The following MTMR10 variants were observed in gnomAD, a reference collection of about 807,000 sequenced individuals.
MTMR10 encodes myotubularin related protein 10.
In MTMR10, 56 loss-of-function variants were observed where a neutral mutation model predicts 88.1. The ratio of observed to expected loss-of-function variants is 0.64; its 90% CI spans 0.51 to 0.79. The LOEUF is 0.79. Among genes scored for constraint, MTMR10 ranks in the 30% least tolerant of loss-of-function variants. The pLI is 0.00. For missense variants in MTMR10, 883 were observed against 924.7 expected (o/e 0.95, Z 0.58); for synonymous variants, 380 against 340.9 (o/e 1.11, Z -1.26).
At chr15:30,953,755 C>A (rs1372245288) in intron 10 of MTMR10, 124 bp from the exon 11 acceptor site, 8 of 629,390 alleles carry the variant, frequency 1.3e-5, no homozygotes, top group Non-Finnish European at 1.9e-5. Context: ...TGCATTTTCA[C>A]TTTAATAACA....
downstream of MTMR10, among the ~76,000 whole-genome samples, chr15:30,936,700 T>G (rs929718388): frequency 6.6e-6 from 1 of 152,210 alleles, no homozygotes; most frequent in African/African-American, 2.4e-5. Flanking sequence ...CCACCAAACC[T>G]CATAGCTTAG....
chr15:30,941,802 C>T lies in MTMR10; in HGVS notation c.2002G>A (p.Ala668Thr). The change falls in exon 16 of 16, where the codon GCC becomes ACC. Residue 668 changes from alanine (A) to threonine (T), a missense_variant. Ala to Thr is a moderately conservative substitution (Grantham distance 58). Coordinates refer to ENST00000435680, the MANE Select transcript of MTMR10 (RefSeq NM_017762.3). ...ATGGAGCCACCCAGGCTGATCTGGG[C>T]CTCGGGAACCCAGCGGAAGTAGCAC... ...KLCYFRWVPE[A>T]QISLGGSITA... 6.2e-7 allele frequency: 1 copy of T among 1,614,038 alleles called. No individual in the cohort carries two copies. Among genetic ancestry groups the T allele is most frequent in the Non-Finnish European group, 8.5e-7 (1 of 1,179,908 alleles).
Position 30,939,949 on chromosome 15 carries a change from C to T in MTMR10, c.*1521G>A, listed in dbSNP as rs564921866. 7.1e-6 allele frequency: 7 copies of T among 984,452 alleles called. No homozygotes were observed. The highest frequency in any genetic ancestry group is 1.2e-4 in the Admixed American group (2 of 16,266). 61.0% of individuals were successfully genotyped at this position (984,452 alleles called of 1,614,324 possible). ...TTTCTTAAGATATTTTTTAAGAACT[C>T]CTGTCCTGTTATATCCAGAGACATT... On this transcript the variant is annotated 3_prime_UTR_variant, in exon 16 of 16. Transcript: ENST00000435680.
chr15:30,930,521 C>G, the MTMR10 span: 6 of 1,570,172 alleles, frequency 3.8e-6, no homozygotes, highest in Non-Finnish European at 5.2e-6. Flanking sequence ...AAGTGGCTAA[C>G]TGTCCTGTGT....
At position 30,961,018 on chromosome 15, in the gene MTMR10, A is replaced by ACCTCCTCCT; in HGVS notation, c.612_620dup (p.Gly205_Gly207dup). 2.6e-6 allele frequency: 4 copies of ACCTCCTCCT among 1,563,998 alleles called. No individual in the cohort carries two copies. Among genetic ancestry groups the ACCTCCTCCT allele is most frequent in the Middle Eastern group, 3.3e-4 (2 of 6,000 alleles). On this transcript the variant is annotated inframe_insertion, in exon 7 of 16. Transcript: ENST00000435680. ...GGCTGCTGCCACCACCAGCTCCATT[A>ACCTCCTCCT]CCTCCTCCTCCTCCTCCTCCTCCAT...
At chr15:30,942,819 G>C (rs748714277) in intron 15 of MTMR10, 71 bp downstream of exon 15, 5 of 1,411,344 alleles carry the variant, frequency 3.5e-6, no homozygotes. Flanking sequence ...TACTTTTAAC[G>C]CTCTCTGTTC....
In MTMR10 at chr15:30,938,997, T is replaced by A; in HGVS notation, c.*2473A>T. The A allele has an allele frequency of 5.1e-6, 5 of 985,320 alleles. No individual in the cohort carries two copies. Among genetic ancestry groups the A allele is most frequent in the Non-Finnish European group, 6.0e-6 (5 of 829,812 alleles). The allele number at this position is 985,320 out of a possible 1,614,324, so 61.0% of individuals were successfully genotyped here. A position where few individuals can be genotyped will look rare whatever the true frequency, so the allele number is the denominator to read the frequency against. On this transcript the variant is annotated 3_prime_UTR_variant, in exon 16 of 16. Coordinates refer to ENST00000435680, the MANE Select transcript of MTMR10 (RefSeq NM_017762.3). ...AAAATTTCCTTCACATTCAATACTG[T>A]TGAACAACAAGATAACACATCTTCT...
chr15:30,971,585 T>G (rs1488565054), intron 5 of MTMR10, among the ~76,000 whole-genome samples: 1 of 152,202 alleles, frequency 6.6e-6, no homozygotes, highest in African/African-American at 2.4e-5. Flanking sequence ...CCTGAAGAAG[T>G]GATTCACAAC....
intron 5 of MTMR10, among the ~76,000 whole-genome samples, chr15:30,972,871 T>C (rs1459711409): frequency 6.6e-6 from 1 of 152,056 alleles, no homozygotes; most frequent in African/African-American, 2.4e-5. Context: ...AAAAATACAG[T>C]AAAAGAGGGA....
intron 6 of MTMR10, 82 bp from the exon 7 acceptor site, chr15:30,961,155 CAT>C: frequency 6.8e-7 from 1 of 1,471,600 alleles, no homozygotes; most frequent in Non-Finnish European, 9.0e-7. Context: ...CTGTCACATG[CAT>C]ACTCTGATGT....
intron 9 of MTMR10, among the ~76,000 whole-genome samples, chr15:30,955,325 C>T (rs1190880774): frequency 6.6e-6 from 1 of 152,200 alleles, no homozygotes; most frequent in Non-Finnish European, 1.5e-5. Flanking sequence ...GGCTGGAGTG[C>T]AGTGGCACCA....
At chr15:30,989,513 C>T (rs559768729) in intron 2 of MTMR10, among the ~76,000 whole-genome samples, 126 of 151,800 alleles carry the variant, frequency 8.3e-4, no homozygotes, top group Non-Finnish European at 1.6e-3. Context: ...ATTATTTTAC[C>T]GATTTGGCTT....
chr15:30,968,534 A>AACACACACACACACACACACACACAC (rs61503155), intron 5 of MTMR10, among the ~76,000 whole-genome samples: 5 of 143,172 alleles, frequency 3.5e-5, no homozygotes, highest in African/African-American at 1.3e-4. Flanking sequence ...TCAAAAAAAC[A>AACACACACACACACACACACACACAC]ACACACACAC....
intron 11 of MTMR10, among the ~76,000 whole-genome samples, chr15:30,952,866 T>G (rs1248480361): frequency 6.6e-6 from 1 of 152,044 alleles, no homozygotes; most frequent in Non-Finnish European, 1.5e-5. Context: ...CTTGACTCAA[T>G]GCAACCTCTG....
chr15:30,936,986 T>C, downstream of MTMR10: 1 of 717,330 alleles, frequency 1.4e-6, no homozygotes, highest in Non-Finnish European at 2.3e-6. Flanking sequence ...TCCGTATATT[T>C]GTGTTACACT....
chr15:30,941,784 C>T lies in MTMR10; in HGVS notation c.2020G>A (p.Gly674Ser), dbSNP rs974886042. The T allele has an allele frequency of 5.0e-6, 8 of 1,614,010 alleles. No individual in the cohort carries two copies. The highest frequency in any genetic ancestry group is 1.6e-4 in the Middle Eastern group (1 of 6,062). Residue 674 changes from glycine to serine, a missense_variant, in exon 16 of 16, where the codon GGC becomes AGC. Gly to Ser is a moderately conservative substitution (Grantham distance 56). Around this residue, in one of 3 missense-constraint regions of MTMR10, gnomAD observed 343 missense variants for 323.2 expected, o/e 1.06. Coordinates refer to ENST00000435680, the MANE Select transcript of MTMR10 (RefSeq NM_017762.3). ...WVPEAQISLG[G>S]SITAFHKLSL... ...AGCTTGTGAAAGGCTGTGATGGAGC[C>T]ACCCAGGCTGATCTGGGCCTCGGGA... is the stretch of plus-strand genomic sequence containing the variant.
chr15:30,955,866 GA>G (rs1168803782), intron 9 of MTMR10, among the ~76,000 whole-genome samples: 3 of 152,010 alleles, frequency 2.0e-5, no homozygotes, highest in Non-Finnish European at 4.4e-5. Flanking sequence ...TCTTAGGAGA[GA>G]ATGGGCTACT....
chr15:30,943,969 G>A (rs2063127666), intron 14 of MTMR10: 2 of 985,262 alleles, frequency 2.0e-6, no homozygotes, highest in South Asian at 4.7e-5. Context: ...TGGATGATGG[G>A]AAATGTCTGA....
At chr15:30,958,410 C>CT (rs1305557498) in intron 9 of MTMR10, among the ~76,000 whole-genome samples, 1 of 152,230 alleles carries the variant, frequency 6.6e-6, no homozygotes, top group African/African-American at 2.4e-5. Context: ...AGGCCTCCTA[C>CT]TTTAATGACG....
Sources: allele counts gnomAD v4.1 joint callset (sites outside exome capture counted in the v4.1 genomes callset), GRCh38; gene constraint gnomAD v4.1.1; regional missense constraint gnomAD v4.1.1; transcripts MANE v1.5; gene names NCBI Gene and HGNC (gene_info 2026-07-23, HGNC 2026-07-21).